Variants in OTOGL observed in about 807,000 individuals in gnomAD.
OTOGL encodes otogelin like.
In OTOGL, 285 loss-of-function variants were observed where a neutral mutation model predicts 318.5. That is an observed-to-expected ratio of 0.89 (90% confidence interval 0.81 to 0.99). OTOGL has a LOEUF of 0.99. OTOGL is among the 50% of genes least tolerant of loss of function. The probability of loss-of-function intolerance (pLI) is 0.00; values close to 1 mark genes in which losing one functional copy is unlikely to be tolerated. For missense variants in OTOGL, 2,899 were observed against 2,845.6 expected, an observed-to-expected ratio of 1.02 and a Z score of -0.43; for synonymous variants, 987 against 936.5, an observed-to-expected ratio of 1.05 and a Z score of -0.99.
In OTOGL at chr12:80,239,441, T is replaced by C; in HGVS notation, c.1052+2T>C. The C allele has an allele frequency of 6.5e-7, 1 of 1,549,302 alleles. No homozygotes were observed. On this transcript the variant is annotated splice_donor_variant, in intron 11 of 58. Coordinates refer to ENST00000547103, the MANE Select transcript of OTOGL (RefSeq NM_001378609.3). LOFTEE classifies it high-confidence loss of function. ...CAGCTGTGTTAATGATCTTTGCAAG[T>C]AAGTGAAATGACTTGTAGTTGTAAT...
At chr12:80,249,578 C>T (rs1881287936) in intron 11 of OTOGL, among the ~76,000 whole-genome samples, 1 of 151,992 alleles carries the variant, frequency 6.6e-6, no homozygotes, top group South Asian at 2.1e-4. Flanking sequence ...AGCTGTCAGA[C>T]AGGGACATTT....
intron 22 of OTOGL, among the ~76,000 whole-genome samples, chr12:80,269,045 C>G (rs1427090443): frequency 1.3e-5 from 2 of 152,024 alleles, no homozygotes; most frequent in African/African-American, 4.8e-5. Flanking sequence ...TGATCTGAGA[C>G]CTGTCTGTCT....
At chr12:80,107,866 T>A (rs1227004965) in intron 1 of OTOGL, among the ~76,000 whole-genome samples, 1 of 152,106 alleles carries the variant, frequency 6.6e-6, no homozygotes, top group Non-Finnish European at 1.5e-5. Flanking sequence ...AAATACCACA[T>A]GTTCTCATTT....
intron 1 of OTOGL, among the ~76,000 whole-genome samples, chr12:80,166,130 A>G (rs1355365159): frequency 1.3e-5 from 2 of 151,952 alleles, no homozygotes; most frequent in Non-Finnish European, 2.9e-5. Context: ...CTTCTCTGAG[A>G]TATTAAAGAT....
chr12:80,295,157 C>CTTTTT lies in OTOGL; in HGVS notation c.2929-1645_2929-1641dup, dbSNP rs66786755. On this transcript the variant is annotated intron_variant, in intron 26 of 58. Coordinates refer to ENST00000547103, the MANE Select transcript of OTOGL (RefSeq NM_001378609.3). ...AAACACAAACTGTATGATTGCCGAA[C>CTTTTT]TTTTTTTTTTTTTTTTTTTTTTTTT... Among the ~76,000 whole-genome samples, 894 of 98,880 alleles carry CTTTTT rather than the reference C, an allele frequency of 9.0e-3. 62 individuals are homozygous for CTTTTT. Among genetic ancestry groups the CTTTTT allele is most frequent in the Middle Eastern group, 0.024 (4 of 170 alleles). 64.9% of individuals were successfully genotyped at this position (98,880 alleles called of 152,430 possible).
In OTOGL at chr12:80,229,397, T is replaced by C. The variant is rs757024434; in HGVS notation, c.611+19T>C. On this transcript the variant is annotated intron_variant, in intron 8 of 58. Coordinates refer to ENST00000547103, the MANE Select transcript of OTOGL (RefSeq NM_001378609.3). The stretch of plus-strand genomic sequence containing the variant: ...GAATCAGGTAGGATATGGGAAACAG[T>C]GAAATGTCAGTAACACCACAAATTA... 1 of 1,587,054 alleles carries C rather than the reference T, an allele frequency of 6.3e-7. No homozygotes were observed. Among genetic ancestry groups the C allele is most frequent in the Non-Finnish European group, 8.6e-7 (1 of 1,169,096 alleles).
chr12:80,358,814 G>A, intron 51 of OTOGL, 39 bp downstream of exon 51: 4 of 1,556,700 alleles, frequency 2.6e-6, no homozygotes, highest in East Asian at 2.3e-5. Context: ...ATTATAATAA[G>A]TTAATTATTT....
intron 56 of OTOGL, 58 bp downstream of exon 56, chr12:80,370,747 T>TG: frequency 8.5e-6 from 11 of 1,297,476 alleles, no homozygotes; most frequent in East Asian, 2.7e-5. Context: ...AAAATACACA[T>TG]TGATATTTTC....
intron 1 of OTOGL, among the ~76,000 whole-genome samples, chr12:80,151,136 A>C (rs1049380084): frequency 7.2e-5 from 11 of 152,200 alleles, no homozygotes; most frequent in African/African-American, 2.2e-4. Flanking sequence ...CCAAATGCCT[A>C]GAGCTAGGAA....
intron 57 of OTOGL, among the ~76,000 whole-genome samples, chr12:80,372,567 A>G (rs1890941974): frequency 6.6e-6 from 1 of 152,098 alleles, no homozygotes; most frequent in African/African-American, 2.4e-5. Flanking sequence ...AATTTGGATA[A>G]TATTTTAGTA....
chr12:80,162,648 T>C (rs1873589537), intron 1 of OTOGL, among the ~76,000 whole-genome samples: 1 of 152,092 alleles, frequency 6.6e-6, no homozygotes, highest in African/African-American at 2.4e-5. Context: ...CTTCACATAG[T>C]CATCCCTGGG....
chr12:80,260,079 T>C (rs1280709740), intron 18 of OTOGL, among the ~76,000 whole-genome samples: 1 of 152,046 alleles, frequency 6.6e-6, no homozygotes, highest in African/African-American at 2.4e-5. Flanking sequence ...GTCTTTGTAT[T>C]CTTAGGAACT....
At chr12:80,347,777 A>G (rs1171835636) in intron 44 of OTOGL, among the ~76,000 whole-genome samples, 1 of 151,922 alleles carries the variant, frequency 6.6e-6, no homozygotes, top group Non-Finnish European at 1.5e-5. Flanking sequence ...CATCCTCTCC[A>G]GCATCTGTTT....
intron 7 of OTOGL, among the ~76,000 whole-genome samples, chr12:80,226,799 C>T (rs1878898148): frequency 6.6e-6 from 1 of 152,078 alleles, no homozygotes. Context: ...TTTGTTTAGT[C>T]ACTTATTTTA....
intron 1 of OTOGL, among the ~76,000 whole-genome samples, chr12:80,142,506 C>T (rs1436343538): frequency 6.6e-6 from 1 of 152,102 alleles, no homozygotes; most frequent in Non-Finnish European, 1.5e-5. Context: ...TCTATATCTT[C>T]AGTTAAATTC....
At chr12:80,305,894 AT>A (rs1886079874) in intron 29 of OTOGL, among the ~76,000 whole-genome samples, 199 bp downstream of exon 29, 2 of 152,172 alleles carry the variant, frequency 1.3e-5, no homozygotes, top group Admixed American at 6.5e-5. Context: ...TCTCCTTAGT[AT>A]AGATGAAGAA....
At chr12:80,237,428 A>C (rs1393169528) in intron 9 of OTOGL, among the ~76,000 whole-genome samples, 1 of 152,164 alleles carries the variant, frequency 6.6e-6, no homozygotes, top group African/African-American at 2.4e-5. Flanking sequence ...CATGTCAGAG[A>C]AGGGCTCTCT....
At chr12:80,328,204 A>C (rs1469398362) in intron 35 of OTOGL, among the ~76,000 whole-genome samples, 1 of 151,852 alleles carries the variant, frequency 6.6e-6, no homozygotes, top group Non-Finnish European at 1.5e-5. Context: ...CTGTAGTCCA[A>C]GCTACTCAGG....
At chr12:80,183,705 G>A (rs1875092034) in intron 1 of OTOGL, among the ~76,000 whole-genome samples, 1 of 152,166 alleles carries the variant, frequency 6.6e-6, no homozygotes. Flanking sequence ...ATTGATGCTT[G>A]GCACCATCCT....
Sources: gnomAD v4.1 joint callset for allele counts (sites outside exome capture counted in the v4.1 genomes callset) on GRCh38, gnomAD v4.1.1 for gene constraint, MANE v1.5 for transcripts, NCBI Gene and HGNC (gene_info 2026-07-23, HGNC 2026-07-21) for gene names.